TM9SF3: variants seen among roughly 807,000 people sequenced by gnomAD.
The protein encoded by TM9SF3 is transmembrane 9 superfamily member 3.
In TM9SF3, 14 loss-of-function variants were observed where a neutral mutation model predicts 78.6. That is an observed-to-expected ratio of 0.18 (90% CI 0.12 to 0.28). The LOEUF (loss-of-function observed/expected upper bound fraction) is 0.28. TM9SF3 is among the 10% of genes least tolerant of loss of function. The pLI, the probability that TM9SF3 is intolerant of heterozygous loss-of-function variation, is 1.00. For missense variants in TM9SF3, 496 were observed against 721.9 expected (o/e 0.69, Z 3.59); for synonymous variants, 231 against 241.7 (o/e 0.96, Z 0.41).
At chr10:96,560,595 T>A (rs745819803) in intron 4 of TM9SF3, 4 of 670,782 alleles carry the variant, frequency 6.0e-6, no homozygotes, top group Non-Finnish European at 1.1e-5. Flanking sequence ...CTTAAGGATA[T>A]CTGGAAAGTG....
At chr10:96,560,803 T>C in intron 4 of TM9SF3, 1 of 553,758 alleles carries the variant, frequency 1.8e-6, no homozygotes. Context: ...CTATCAACAC[T>C]AAGATCAAAA....
At chr10:96,564,662 G>C (rs1186497173) in intron 3 of TM9SF3, among the ~76,000 whole-genome samples, 1 of 152,126 alleles carries the variant, frequency 6.6e-6, no homozygotes, top group East Asian at 1.9e-4. Context: ...ATACATAACA[G>C]CAGATTTCCA....
Position 96,527,464 on chromosome 10 carries a change from G to A in TM9SF3, c.1574C>T (p.Thr525Ile). Residue 525 changes from threonine to isoleucine, a missense_variant, in exon 13 of 15, where the codon ACT becomes ATT. This residue lies in a region of TM9SF3 where 280 missense variants were observed against 422.6 expected (regional missense o/e 0.66). Coordinates refer to ENST00000371142, the MANE Select transcript of TM9SF3 (RefSeq NM_020123.4). ...GGAATACATGTAAACATAGATTGCAGTTGATGCAGCAGAGAGAAAACTTGT... is the reference window on the plus strand; with the variant it reads ...GGAATACATGTAAACATAGATTGCAATTGATGCAGCAGAGAGAAAACTTGT... Reference protein sequence around the residue: ...QWTSFLSAASTAIYVYMYSFY... With the variant: ...QWTSFLSAASIAIYVYMYSFY... 1.2e-6 allele frequency: 2 copies of A among 1,611,364 alleles called. No homozygotes were observed. Among genetic ancestry groups the A allele is most frequent in the South Asian group, 2.2e-5 (2 of 90,638 alleles).
chr10:96,556,834 C>T (rs529753174), intron 5 of TM9SF3, among the ~76,000 whole-genome samples: 2 of 152,198 alleles, frequency 1.3e-5, no homozygotes, highest in East Asian at 1.9e-4. Context: ...ACCATTATAC[C>T]AAAATCGTTG....
At chr10:96,567,779 C>T (rs1048637215) in intron 2 of TM9SF3, among the ~76,000 whole-genome samples, 1 of 152,194 alleles carries the variant, frequency 6.6e-6, no homozygotes, top group African/African-American at 2.4e-5. Context: ...GCCATGCCTG[C>T]TTCAGTACCC....
At chr10:96,559,758 G>C in intron 4 of TM9SF3, 22 bp from the exon 5 acceptor site, 8 of 1,413,040 alleles carry the variant, frequency 5.7e-6, no homozygotes, top group Non-Finnish European at 7.8e-6. Context: ...TTTTTCATTT[G>C]AAAATAAAGG....
chr10:96,526,503 A>G (rs1847839706), intron 14 of TM9SF3, among the ~76,000 whole-genome samples: 1 of 152,062 alleles, frequency 6.6e-6, no homozygotes, highest in Non-Finnish European at 1.5e-5. Flanking sequence ...AAAGTTCTTT[A>G]TTTTCTAGCT....
chr10:96,572,871 T>C (rs186521769), intron 2 of TM9SF3, among the ~76,000 whole-genome samples: 9 of 152,286 alleles, frequency 5.9e-5, no homozygotes, highest in Non-Finnish European at 5.9e-5. Flanking sequence ...GAATATAAGA[T>C]TATTAGCAAG....
chr10:96,533,267 AAACACAATTTG>A (rs1847918699), intron 9 of TM9SF3, 77 bp from the exon 10 acceptor site: 2 of 1,492,330 alleles, frequency 1.3e-6, no homozygotes, highest in Admixed American at 2.2e-5. Flanking sequence ...GACACAATTT[AAACACAATTTG>A]ACCACAAAAG....
At chr10:96,542,868 T>C (rs764633063) in intron 9 of TM9SF3, among the ~76,000 whole-genome samples, 7 of 152,182 alleles carry the variant, frequency 4.6e-5, no homozygotes, top group Non-Finnish European at 1.0e-4. Context: ...ATGTATAATA[T>C]TCAATGTGTC....
chr10:96,532,536 A>C (rs1000520324), intron 10 of TM9SF3, among the ~76,000 whole-genome samples: 1 of 152,154 alleles, frequency 6.6e-6, no homozygotes, highest in Non-Finnish European at 1.5e-5. Context: ...AACTATTCCT[A>C]TAAATAGGGA....
Position 96,518,164 on chromosome 10 carries a change from C to CTT in TM9SF3, c.*4098_*4099insAA, listed in dbSNP as rs1252014780. ...ATCCAAATTCAGATAAATTAACACA[C>CTT]TAGGTTAGAACCTCAATTGTATTTG... On this transcript the variant is annotated 3_prime_UTR_variant, in exon 15 of 15. Transcript: ENST00000371142. The CTT allele has an allele frequency of 6.6e-6, 1 of 152,180 alleles. No individual in the cohort carries two copies. Among genetic ancestry groups the CTT allele is most frequent in the African/African-American group, 2.4e-5 (1 of 41,448 alleles). The allele number at this position is 152,180 out of a possible 1,614,324, so 9.4% of individuals were successfully genotyped here.
At chr10:96,554,780 C>T (rs540275928) in intron 5 of TM9SF3, among the ~76,000 whole-genome samples, 1 of 152,184 alleles carries the variant, frequency 6.6e-6, no homozygotes, top group East Asian at 1.9e-4. Flanking sequence ...CTCAGACTGC[C>T]CTAAAGTACA....
chr10:96,564,934 GAA>G (rs954808985), intron 3 of TM9SF3, among the ~76,000 whole-genome samples: 2 of 151,712 alleles, frequency 1.3e-5, no homozygotes, highest in Non-Finnish European at 2.9e-5. Flanking sequence ...ACCAACATGA[GAA>G]AAAGACAGAA....
chr10:96,527,645 T>C (rs1411402160), intron 12 of TM9SF3, 149 bp from the exon 13 acceptor site: 1 of 611,494 alleles, frequency 1.6e-6, no homozygotes, highest in Non-Finnish European at 2.7e-6. Flanking sequence ...TATTCAAATT[T>C]ATCAACAAGG....
At chr10:96,579,475 AC>A (rs1848535745) in intron 1 of TM9SF3, among the ~76,000 whole-genome samples, 1 of 152,254 alleles carries the variant, frequency 6.6e-6, no homozygotes, top group Non-Finnish European at 1.5e-5. Flanking sequence ...TTTATTTTAT[AC>A]AAATTAAAAC....
intron 2 of TM9SF3, among the ~76,000 whole-genome samples, chr10:96,569,471 A>G (rs1848415125): frequency 6.6e-6 from 1 of 152,228 alleles, no homozygotes; most frequent in Non-Finnish European, 1.5e-5. Context: ...TGATATATTC[A>G]CAGTTAATTA....
intron 3 of TM9SF3, among the ~76,000 whole-genome samples, chr10:96,563,209 A>G (rs1848330370): frequency 6.6e-6 from 1 of 152,096 alleles, no homozygotes; most frequent in Non-Finnish European, 1.5e-5. Flanking sequence ...TAGAGTAGTT[A>G]GGACTACAGG....
intron 2 of TM9SF3, 99 bp downstream of exon 2, chr10:96,576,535 C>G: frequency 3.5e-6 from 4 of 1,158,390 alleles, no homozygotes; most frequent in Non-Finnish European, 4.8e-6. Flanking sequence ...CAGCTCCATA[C>G]AACAAAGAAT....
Sources: gnomAD v4.1 joint callset for allele counts (sites outside exome capture counted in the v4.1 genomes callset) on GRCh38, gnomAD v4.1.1 for gene constraint, gnomAD v4.1.1 regional missense constraint, MANE v1.5 for transcripts, NCBI Gene and HGNC (gene_info 2026-07-23, HGNC 2026-07-21) for gene names.